Variants in PXDNL observed in about 807,000 individuals in gnomAD.
PXDNL encodes probable oxidoreductase PXDNL.
In PXDNL, 145 loss-of-function variants were observed where a neutral mutation model predicts 150.8. That is an observed-to-expected ratio of 0.96 (90% CI 0.84 to 1.10). PXDNL has a LOEUF of 1.10. PXDNL is among the 50% of genes least tolerant of loss of function. The pLI, the probability that PXDNL is intolerant of heterozygous loss-of-function variation, is 0.00. For missense variants in PXDNL, 2,087 were observed against 1,873.9 expected, an observed-to-expected ratio of 1.11 and a Z score of -2.10; for synonymous variants, 757 against 725.7, an observed-to-expected ratio of 1.04 and a Z score of -0.69.
At chr8:51,374,278 G>A (rs1258693536) in intron 18 of PXDNL, among the ~76,000 whole-genome samples, 2 of 152,154 alleles carry the variant, frequency 1.3e-5, no homozygotes, top group Admixed American at 6.5e-5. Flanking sequence ...AGTGATACAT[G>A]TCTAAAGTTA....
intron 2 of PXDNL, among the ~76,000 whole-genome samples, chr8:51,651,248 C>T (rs745643613): frequency 3.3e-5 from 5 of 152,068 alleles, no homozygotes; most frequent in African/African-American, 7.2e-5. Flanking sequence ...AATTTGGAAG[C>T]GATTCGGCCA....
chr8:51,738,657 C>CA (rs2036866869), intron 1 of PXDNL, among the ~76,000 whole-genome samples: 3 of 151,706 alleles, frequency 2.0e-5, no homozygotes, highest in Non-Finnish European at 2.9e-5. Context: ...ACTTCCTAAA[C>CA]AAAAAAATCA....
intron 1 of PXDNL, among the ~76,000 whole-genome samples, chr8:51,794,995 C>T (rs188168252): frequency 2.6e-5 from 4 of 151,876 alleles, no homozygotes; most frequent in Admixed American, 2.6e-4. Context: ...AAAAAGCATC[C>T]TAGTTTCTGA....
rs562856211 is a variant in PXDNL, at chr8:51,369,102, A to T, written c.3901+2771T>A. Among the ~76,000 whole-genome samples, 3 of 152,350 alleles carry T rather than the reference A, an allele frequency of 2.0e-5. No homozygotes were observed. The East Asian group carries it at 5.8e-4, about 29-fold the overall frequency. On this transcript the variant is annotated intron_variant, in intron 19 of 22. Transcript: ENST00000356297. Reference sequence around the variant, plus strand: ...GAGAGGGAAGAAATCTATTAATACAACATGAATGAACACACAACAAAGACA... The same window carrying T: ...GAGAGGGAAGAAATCTATTAATACATCATGAATGAACACACAACAAAGACA...
intron 2 of PXDNL, among the ~76,000 whole-genome samples, chr8:51,598,822 T>C (rs1813630294): frequency 6.6e-6 from 1 of 152,150 alleles, no homozygotes; most frequent in Non-Finnish European, 1.5e-5. Context: ...ATGTCAACTC[T>C]TTTCTGTACA....
At chr8:51,764,862 C>A (rs1003143041) in intron 1 of PXDNL, among the ~76,000 whole-genome samples, 70 of 152,250 alleles carry the variant, frequency 4.6e-4, no homozygotes, top group African/African-American at 1.6e-3. Context: ...TTTACTTGAT[C>A]TTCTGCTTAG....
rs546475098 is a variant in PXDNL at position 51,700,869 on chromosome 8, TAC to T, written c.165-46111_165-46110del. On this transcript the variant is annotated intron_variant, in intron 1 of 22. Coordinates refer to ENST00000356297, the MANE Select transcript of PXDNL (RefSeq NM_144651.5). ...ATACACTCACAAATATATACACATA[TAC>T]ACACACTCATATACATACACAATAT... Among the ~76,000 whole-genome samples the T allele has an allele frequency of 7.8e-4, 117 of 150,742 alleles. 1 individual carries two copies. Among genetic ancestry groups the T allele is most frequent in the African/African-American group, 2.8e-3 (114 of 40,494 alleles).
chr8:51,411,271 T>G lies in PXDNL; in HGVS notation c.2041A>C (p.Thr681Pro), dbSNP rs777553721. The change falls in exon 16 of 23, where the codon ACT becomes CCT. Residue 681 changes from threonine to proline, a missense_variant. Transcript: ENST00000356297. The stretch of plus-strand genomic sequence containing the variant: ...TGACCTTTGCCTTCCAAGTCCACAG[T>G]GAGCCCCTGCTTCACACGTTCCCGT... ...LIRERVKQGL[T>P]VDLEGKEFRY... 17 of 1,505,098 alleles carry G rather than the reference T, an allele frequency of 1.1e-5. No homozygotes were observed. Among genetic ancestry groups the G allele is most frequent in the Non-Finnish European group, 1.5e-5 (17 of 1,129,218 alleles). The allele number at this position is 1,505,098 out of a possible 1,614,324, so 93.2% of individuals were successfully genotyped here. A position where few individuals can be genotyped will look rare whatever the true frequency, so the allele number is the denominator to read the frequency against.
chr8:51,320,581 G>C (rs758833337), intron 22 of PXDNL: 1 of 488,982 alleles, frequency 2.0e-6, no homozygotes, highest in Non-Finnish European at 3.6e-6. Context: ...GGTCTCTAGC[G>C]ACTGCTCATT....
At chr8:51,359,834 A>G (rs1274080982) in intron 19 of PXDNL, among the ~76,000 whole-genome samples, 1 of 152,146 alleles carries the variant, frequency 6.6e-6, no homozygotes, top group African/African-American at 2.4e-5. Flanking sequence ...TATCCATCCA[A>G]TTGCAATATA....
At chr8:51,764,679 T>C (rs1200322499) in intron 1 of PXDNL, among the ~76,000 whole-genome samples, 1 of 152,204 alleles carries the variant, frequency 6.6e-6, no homozygotes, top group Non-Finnish European at 1.5e-5. Flanking sequence ...TACATTTGTA[T>C]TATTTCAGTC....
chr8:51,552,697 A>C (rs1156598849), intron 4 of PXDNL, among the ~76,000 whole-genome samples: 1 of 152,162 alleles, frequency 6.6e-6, no homozygotes, highest in Non-Finnish European at 1.5e-5. Flanking sequence ...AGCGGGGGTG[A>C]GGGATCAAAG....
At chr8:51,526,838 G>T (rs908407700) in intron 4 of PXDNL, among the ~76,000 whole-genome samples, 3 of 152,100 alleles carry the variant, frequency 2.0e-5, no homozygotes, top group African/African-American at 7.2e-5. Context: ...TGCATCTCCT[G>T]CTGCCTACCA....
chr8:51,446,042 T>A lies in PXDNL; in HGVS notation c.1525+962A>T, dbSNP rs181125955. On this transcript the variant is annotated intron_variant, in intron 12 of 22. Transcript: ENST00000356297. Reference sequence around the variant, plus strand: ...TATAAGGGAACCTCAACTTCTTTTTTAAAAAAAACATTTAATATGTCTAAA... The same window carrying A: ...TATAAGGGAACCTCAACTTCTTTTTAAAAAAAAACATTTAATATGTCTAAA... 6.5e-3 allele frequency among the ~76,000 whole-genome samples: 992 copies of A among 151,952 alleles called. 32 individuals carry two copies. Among genetic ancestry groups the A allele is most frequent in the Admixed American group, 0.05 (765 of 15,256 alleles).
intron 21 of PXDNL, among the ~76,000 whole-genome samples, chr8:51,332,862 T>C (rs1805729682): frequency 6.6e-6 from 1 of 152,184 alleles, no homozygotes; most frequent in African/African-American, 2.4e-5. Context: ...AACCTAAGAA[T>C]AATCGGTGTT....
At chr8:51,794,767 A>G (rs1048235657) in intron 1 of PXDNL, among the ~76,000 whole-genome samples, 3 of 152,138 alleles carry the variant, frequency 2.0e-5, no homozygotes, top group African/African-American at 7.2e-5. Context: ...CTCCAAAATA[A>G]CCAGCCAACA....
intron 19 of PXDNL, among the ~76,000 whole-genome samples, chr8:51,369,653 T>TAAA (rs5891407): frequency 0.013 from 1,977 of 148,934 alleles, 36 homozygotes; most frequent in South Asian, 0.067. Context: ...TATAGTGCCA[T>TAAA]AAAAAAAAAA....
intron 1 of PXDNL, among the ~76,000 whole-genome samples, chr8:51,721,297 AACTTTATTCCC>A (rs1408398513): frequency 6.6e-6 from 1 of 152,226 alleles, no homozygotes; most frequent in Non-Finnish European, 1.5e-5. Context: ...CTTTGTTTCA[AACTTTATTCCC>A]AGGTTTTTTC....
At chr8:51,724,958 T>A (rs1223701691) in intron 1 of PXDNL, among the ~76,000 whole-genome samples, 1 of 152,190 alleles carries the variant, frequency 6.6e-6, no homozygotes, top group East Asian at 1.9e-4. Flanking sequence ...AGACTCCACC[T>A]ATTGTCCTTG....
Sources: allele counts gnomAD v4.1 joint callset (sites outside exome capture counted in the v4.1 genomes callset), GRCh38; gene constraint gnomAD v4.1.1; transcripts MANE v1.5; gene names NCBI Gene and HGNC (gene_info 2026-07-23, HGNC 2026-07-21).